Variants in CDH2 observed in about 807,000 individuals in gnomAD.
CDH2 encodes the protein cadherin 2.
CDH2 carries 17 observed loss-of-function variants against 92.0 expected under a neutral mutation model. The ratio of observed to expected loss-of-function variants is 0.18; its 90% CI spans 0.13 to 0.28. The LOEUF (loss-of-function observed/expected upper bound fraction) is 0.28, where lower values mean the gene tolerates loss of function less well. CDH2 is among the 10% of genes least tolerant of loss of function. The pLI, the probability that CDH2 is intolerant of heterozygous loss-of-function variation, is 1.00. For missense variants in CDH2, 862 were observed against 1,133.1 expected (o/e 0.76, Z 3.44); for synonymous variants, 419 against 415.9 (o/e 1.01, Z -0.09).
chr18:28,059,379 C>T (rs1049243286), intron 2 of CDH2, among the ~76,000 whole-genome samples: 7 of 152,130 alleles, frequency 4.6e-5, no homozygotes, highest in African/African-American at 1.7e-4. Context: ...TGTACTTAGT[C>T]CAACAGACCA....
intron 2 of CDH2, among the ~76,000 whole-genome samples, chr18:28,129,078 G>T (rs17446741): frequency 1.3e-3 from 197 of 152,192 alleles, no homozygotes; most frequent in Non-Finnish European, 2.4e-3. Flanking sequence ...AAAGCATTAG[G>T]CATCGTATGT....
intron 14 of CDH2, among the ~76,000 whole-genome samples, chr18:27,976,739 T>A (rs1275736763): frequency 2.0e-5 from 3 of 152,224 alleles, no homozygotes; most frequent in Non-Finnish European, 4.4e-5. Flanking sequence ...GCTATTAGTA[T>A]AGAGAATGAA....
intron 2 of CDH2, among the ~76,000 whole-genome samples, chr18:28,031,413 G>C (rs1479673752): frequency 6.6e-6 from 1 of 152,106 alleles, no homozygotes; most frequent in East Asian, 1.9e-4. Context: ...GACTCTAACT[G>C]ATCTCCTACT....
At chr18:27,942,814 G>C (rs145200907) in intron 6 of CDH2, among the ~76,000 whole-genome samples, 1 of 152,294 alleles carries the variant, frequency 6.6e-6, no homozygotes, top group South Asian at 2.1e-4. Flanking sequence ...TTTTGTGTAT[G>C]AACGAGATTG....
intron 6 of CDH2, among the ~76,000 whole-genome samples, chr18:27,943,260 A>G (rs1042901620): frequency 6.6e-6 from 1 of 152,274 alleles, no homozygotes. Flanking sequence ...TCTTCTAGAG[A>G]TAAGTAAGTG....
intron 2 of CDH2, among the ~76,000 whole-genome samples, chr18:28,072,129 A>G (rs1403222640): frequency 6.6e-6 from 1 of 151,916 alleles, no homozygotes. Flanking sequence ...CCCAACTATC[A>G]GGTTCTCATT....
intron 1 of CDH2, among the ~76,000 whole-genome samples, chr18:28,157,748 A>G (rs983802230): frequency 2.0e-5 from 3 of 152,206 alleles, no homozygotes; most frequent in African/African-American, 7.2e-5. Context: ...ATATATGCTA[A>G]TAAAACAATT....
chr18:28,092,964 G>A (rs552735994), intron 2 of CDH2, among the ~76,000 whole-genome samples: 9 of 152,066 alleles, frequency 5.9e-5, no homozygotes, highest in South Asian at 2.1e-4. Context: ...TTCTATTATT[G>A]AGCAAATCAC....
At chr18:27,959,845 T>C (rs945493667) in intron 15 of CDH2, among the ~76,000 whole-genome samples, 1 of 152,042 alleles carries the variant, frequency 6.6e-6, no homozygotes, top group Non-Finnish European at 1.5e-5. Context: ...TATCTTGTAA[T>C]TATATTCGAA....
At chr18:28,066,752 A>C (rs1214410580) in intron 2 of CDH2, among the ~76,000 whole-genome samples, 1 of 152,112 alleles carries the variant, frequency 6.6e-6, no homozygotes, top group Non-Finnish European at 1.5e-5. Flanking sequence ...CAAAAAAAAA[A>C]AGGTTATTGT....
intron 2 of CDH2, among the ~76,000 whole-genome samples, chr18:28,050,980 C>G (rs1167327584): frequency 1.3e-5 from 2 of 152,134 alleles, no homozygotes; most frequent in Non-Finnish European, 2.9e-5. Flanking sequence ...ATTTCCTTAA[C>G]CAGGCATATT....
intron 15 of CDH2, among the ~76,000 whole-genome samples, chr18:27,961,609 G>T (rs1260199521): frequency 1.3e-5 from 2 of 152,144 alleles, no homozygotes; most frequent in South Asian, 4.1e-4. Flanking sequence ...GGGACGTGAG[G>T]GGTAGAAGAA....
chr18:27,970,097 T>G (rs28365271), intron 14 of CDH2, among the ~76,000 whole-genome samples: 1 of 152,018 alleles, frequency 6.6e-6, no homozygotes, highest in Non-Finnish European at 1.5e-5. Flanking sequence ...ATGAAGGAAG[T>G]ACTGTTGGAA....
At chr18:28,147,864 A>T (rs2016062568) in intron 1 of CDH2, 80 bp from the exon 2 acceptor site, 4 of 796,662 alleles carry the variant, frequency 5.0e-6, no homozygotes, top group Non-Finnish European at 8.2e-6. Context: ...CTTGGCATAA[A>T]GCCTCATTTT....
At chr18:28,097,404 C>T (rs145402809) in intron 2 of CDH2, among the ~76,000 whole-genome samples, 1,634 of 150,916 alleles carry the variant, frequency 0.011, 23 homozygotes, top group Non-Finnish European at 0.015. Context: ...AACTCACAGC[C>T]GGGTGCAGTG....
Position 27,985,239 on chromosome 18 carries a change from T to G in CDH2, c.1976-6A>C. ...ATTAAGCTGAGCAAAATCACCTATA[T>G]GAAAAAGGAAAAACATAGTTTGATA... On this transcript the variant is annotated splice_polypyrimidine_tract_variant and splice_region_variant and intron_variant, in intron 12 of 15. Coordinates refer to ENST00000269141, the MANE Select transcript of CDH2 (RefSeq NM_001792.5). The G allele has an allele frequency of 6.6e-7, 1 of 1,522,942 alleles. No homozygotes were observed. Among genetic ancestry groups the G allele is most frequent in the South Asian group, 1.1e-5 (1 of 88,790 alleles). The allele number at this position is 1,522,942 out of a possible 1,614,324, so 94.3% of individuals were successfully genotyped here.
intron 2 of CDH2, among the ~76,000 whole-genome samples, chr18:28,022,576 A>G (rs914698857): frequency 4.0e-4 from 61 of 152,088 alleles, no homozygotes; most frequent in African/African-American, 1.4e-3. Flanking sequence ...TCTCCAAATA[A>G]TAGAAAGTTC....
At chr18:27,967,163 C>T (rs1163194684) in intron 14 of CDH2, among the ~76,000 whole-genome samples, 1 of 152,138 alleles carries the variant, frequency 6.6e-6, no homozygotes, top group Non-Finnish European at 1.5e-5. Flanking sequence ...AAATACATGG[C>T]TTAGAGTGTC....
Position 28,177,083 on chromosome 18 carries a change from G to T in CDH2, c.-61C>A. 8.5e-7 allele frequency: 1 copy of T among 1,171,146 alleles called. No homozygotes were observed. The highest frequency in any genetic ancestry group is 1.2e-6 in the Non-Finnish European group (1 of 853,944). 72.5% of individuals were successfully genotyped at this position (1,171,146 alleles called of 1,614,324 possible). A position where few individuals can be genotyped will look rare whatever the true frequency, so the allele number is the denominator to read the frequency against. ...GGCGGCGGCGGCGGCGGCGGCGGCGGAGGAGGAGGAGGCAGCGGCAGCACC... is the reference window on the plus strand; with the variant it reads ...GGCGGCGGCGGCGGCGGCGGCGGCGTAGGAGGAGGAGGCAGCGGCAGCACC... On this transcript the variant is annotated 5_prime_UTR_variant, in exon 1 of 16. Transcript: ENST00000269141.
Sources: gnomAD v4.1 joint callset for allele counts (sites outside exome capture counted in the v4.1 genomes callset) on GRCh38, gnomAD v4.1.1 for gene constraint, MANE v1.5 for transcripts, NCBI Gene and HGNC (gene_info 2026-07-23, HGNC 2026-07-21) for gene names.